POU6F2: variants seen among roughly 807,000 people sequenced by gnomAD.
POU6F2 encodes the protein POU class 6 homeobox 2.
Under a neutral mutation model 71.3 loss-of-function variants are expected in POU6F2, and 31 were observed. That is an observed-to-expected ratio of 0.43 (90% CI 0.33 to 0.59). The LOEUF is 0.59. Among genes scored for constraint, POU6F2 ranks in the 20% least tolerant of loss-of-function variants. The pLI, the probability that POU6F2 is intolerant of heterozygous loss-of-function variation, is 0.04. For missense variants in POU6F2, 783 were observed against 856.8 expected (o/e 0.91, Z 1.07); for synonymous variants, 347 against 355.7 (o/e 0.98, Z 0.27).
intron 2 of POU6F2, among the ~76,000 whole-genome samples, chr7:39,192,677 C>T (rs1465788344): frequency 1.3e-5 from 2 of 152,118 alleles, no homozygotes; most frequent in African/African-American, 2.4e-5. Flanking sequence ...TGAGAAGTGG[C>T]CCAGGTTATT....
chr7:39,212,128 T>C (rs1281862473), intron 4 of POU6F2, among the ~76,000 whole-genome samples: 1 of 152,192 alleles, frequency 6.6e-6, no homozygotes, highest in Non-Finnish European at 1.5e-5. Context: ...GCCCCCAGAC[T>C]GAGATGTTCG....
At chr7:39,324,414 C>G (rs1254946635) in intron 4 of POU6F2, among the ~76,000 whole-genome samples, 1 of 152,214 alleles carries the variant, frequency 6.6e-6, no homozygotes, top group Non-Finnish European at 1.5e-5. Flanking sequence ...GCATTCAATT[C>G]TCACTCTCAA....
At chr7:39,282,714 G>A (rs1340602955) in intron 4 of POU6F2, among the ~76,000 whole-genome samples, 1 of 152,092 alleles carries the variant, frequency 6.6e-6, no homozygotes, top group East Asian at 1.9e-4. Context: ...GTCAGGTAAT[G>A]TGATGCCTCC....
chr7:39,454,698 ATATATATATATATATATATATATATAT>A (rs1788752358), intron 8 of POU6F2, among the ~76,000 whole-genome samples: 1 of 58,542 alleles, frequency 1.7e-5, no homozygotes, highest in Non-Finnish European at 3.5e-5. Context: ...ATATATATAT[ATATATATATATATATATATATATATAT>A]ATAAAATAAG....
At chr7:39,056,471 G>T (rs1790521100) in intron 1 of POU6F2, among the ~76,000 whole-genome samples, 1 of 151,916 alleles carries the variant, frequency 6.6e-6, no homozygotes, top group Admixed American at 6.6e-5. Context: ...TCTGGTGAAT[G>T]TTCTTTTCTT....
At chr7:39,025,238 G>T (rs1319513490) in intron 1 of POU6F2, among the ~76,000 whole-genome samples, 1 of 152,146 alleles carries the variant, frequency 6.6e-6, no homozygotes, top group Non-Finnish European at 1.5e-5. Context: ...TCTTGGGAGA[G>T]TGTATGTGTC....
At chr7:39,349,515 T>A (rs988112835) in intron 5 of POU6F2, among the ~76,000 whole-genome samples, 9 of 152,128 alleles carry the variant, frequency 5.9e-5, no homozygotes, top group African/African-American at 2.2e-4. Context: ...GACTGAGGAA[T>A]TTCCAATGGT....
intron 4 of POU6F2, among the ~76,000 whole-genome samples, chr7:39,270,373 A>G (rs899303935): frequency 7.9e-5 from 12 of 152,258 alleles, no homozygotes; most frequent in African/African-American, 2.9e-4. Context: ...ACTGAGGCAC[A>G]GAGAGGTTAA....
intron 5 of POU6F2, among the ~76,000 whole-genome samples, chr7:39,401,646 A>C (rs1158163266): frequency 2.0e-5 from 3 of 152,246 alleles, no homozygotes; most frequent in African/African-American, 7.2e-5. Context: ...TATGTAAATG[A>C]ACTCAAAAGC....
Position 39,165,272 on chromosome 7 carries a change from G to T in POU6F2, c.278-38963G>T, listed in dbSNP as rs1190779198. ...GTTAACCCTTTTAAGCCAGGCTGTG[G>T]CTACCCAACGTTGCTTACTCTTTGT... On this transcript the variant is annotated intron_variant, in intron 2 of 9. Coordinates refer to ENST00000518318, the MANE Select transcript of POU6F2 (RefSeq NM_001370959.1). 2.0e-5 allele frequency among the ~76,000 whole-genome samples: 3 copies of T among 152,126 alleles called. No homozygotes were observed. In the East Asian group the frequency reaches 5.8e-4, roughly 29 times the overall value.
chr7:39,205,744 G>A (rs768097529), intron 3 of POU6F2, among the ~76,000 whole-genome samples: 2 of 152,154 alleles, frequency 1.3e-5, no homozygotes, highest in Non-Finnish European at 2.9e-5. Flanking sequence ...TAGGAGCAAG[G>A]CCTGTGGGGT....
At chr7:39,261,466 C>T (rs1427379027) in intron 4 of POU6F2, among the ~76,000 whole-genome samples, 1 of 152,218 alleles carries the variant, frequency 6.6e-6, no homozygotes, top group Non-Finnish European at 1.5e-5. Flanking sequence ...ATCAGCTTTT[C>T]TGGCTCTCAC....
At chr7:39,348,832 T>G (rs1482053375) in intron 5 of POU6F2, among the ~76,000 whole-genome samples, 1 of 152,228 alleles carries the variant, frequency 6.6e-6, no homozygotes, top group Non-Finnish European at 1.5e-5. Context: ...TGCTATATCC[T>G]GTTCCTGTAT....
At chr7:39,242,547 G>C (rs371076017) in intron 4 of POU6F2, among the ~76,000 whole-genome samples, 4 of 151,450 alleles carry the variant, frequency 2.6e-5, no homozygotes, top group African/African-American at 4.9e-5. Context: ...GGCTTTTTTG[G>C]GGGGGGTCAT....
At chr7:39,059,497 T>C (rs1240203733) in intron 1 of POU6F2, among the ~76,000 whole-genome samples, 1 of 134,132 alleles carries the variant, frequency 7.5e-6, no homozygotes, top group East Asian at 2.7e-4. Context: ...CTAAGATGTC[T>C]GTAATTAAAA....
intron 5 of POU6F2, among the ~76,000 whole-genome samples, chr7:39,378,252 C>G (rs1786748236): frequency 1.3e-5 from 2 of 152,192 alleles, no homozygotes; most frequent in Admixed American, 6.5e-5. Context: ...TGTTCTCTTT[C>G]TCGAATTTAT....
At chr7:39,205,805 A>C (rs7777684) in intron 3 of POU6F2, among the ~76,000 whole-genome samples, 85,102 of 152,022 alleles carry the variant, frequency 0.56, 24,884 homozygotes, top group African/African-American at 0.73. Context: ...GGCTCTGCAG[A>C]GTCTCCCCCA....
In POU6F2 at chr7:39,158,253, CAGTA is replaced by C. The variant is rs200995807; in HGVS notation, c.278-45978_278-45975del. Among the ~76,000 whole-genome samples the C allele has an allele frequency of 1.2e-4, 19 of 152,200 alleles. No individual in the cohort carries two copies. The East Asian group carries it at 3.7e-3, about 29-fold the overall frequency. ...AGCATTCGTCATTCACTCCTGAATTCAGTAAGTGATTATTAAATATTCTAATTGG... is the reference window on the plus strand; with the variant it reads ...AGCATTCGTCATTCACTCCTGAATTCAGTGATTATTAAATATTCTAATTGG... On this transcript the variant is annotated intron_variant, in intron 2 of 9. Coordinates refer to ENST00000518318, the MANE Select transcript of POU6F2 (RefSeq NM_001370959.1).
intron 2 of POU6F2, among the ~76,000 whole-genome samples, chr7:39,104,823 C>T (rs1791643413): frequency 6.6e-6 from 1 of 152,152 alleles, no homozygotes; most frequent in African/African-American, 2.4e-5. Context: ...TAAAAGAAAG[C>T]ACTTTGGAGA....
Sources: gnomAD v4.1 joint callset for allele counts (sites outside exome capture counted in the v4.1 genomes callset) on GRCh38, gnomAD v4.1.1 for gene constraint, MANE v1.5 for transcripts, NCBI Gene and HGNC (gene_info 2026-07-23, HGNC 2026-07-21) for gene names.